IKZF2: variants seen among roughly 807,000 people sequenced by gnomAD.
The protein encoded by IKZF2 is zinc finger protein Helios.
Under a neutral mutation model 49.2 loss-of-function variants are expected in IKZF2, and 15 were observed. The observed-to-expected ratio is 0.30, with a 90% CI of 0.20 to 0.47. The LOEUF is 0.47. Ranked by LOEUF, IKZF2 falls within the 20% of genes least tolerant of loss-of-function variation. The pLI is 1.00. For synonymous variants in IKZF2, 227 were observed against 221.4 expected, an observed-to-expected ratio of 1.03 and a Z score of -0.23; for missense variants, 567 against 664.6, an observed-to-expected ratio of 0.85 and a Z score of 1.61.
Position 213,114,200 on chromosome 2 carries a change from A to T in IKZF2, c.139+33508T>A, listed in dbSNP as rs532207286. Among the ~76,000 whole-genome samples the T allele has an allele frequency of 5.4e-4, 83 of 152,294 alleles. No individual in the cohort carries two copies. In the South Asian group the frequency reaches 0.011, roughly 21 times the overall value. ...CTTCCTCAGAGTAATCTAAAATCAAATCTTCCTCTATAATAAAAAGGTGTG... is the reference window on the plus strand; with the variant it reads ...CTTCCTCAGAGTAATCTAAAATCAATTCTTCCTCTATAATAAAAAGGTGTG... On this transcript the variant is annotated intron_variant, in intron 4 of 8. Transcript: ENST00000434687.
At chr2:213,012,643 A>G (rs989806176) in intron 8 of IKZF2, among the ~76,000 whole-genome samples, 2 of 152,000 alleles carry the variant, frequency 1.3e-5, no homozygotes, top group Non-Finnish European at 2.9e-5. Context: ...CCTTCTTTCA[A>G]TGAGTTCTCA....
At chr2:213,059,914 C>A (rs1293255270) in intron 4 of IKZF2, among the ~76,000 whole-genome samples, 1 of 150,956 alleles carries the variant, frequency 6.6e-6, no homozygotes, top group African/African-American at 2.4e-5. Context: ...AATAGTAAAG[C>A]CGTAGTAATC....
At chr2:213,011,997 G>A (rs1295853026) in intron 8 of IKZF2, among the ~76,000 whole-genome samples, 1 of 151,942 alleles carries the variant, frequency 6.6e-6, no homozygotes, top group Non-Finnish European at 1.5e-5. Flanking sequence ...GAGAGGGAGA[G>A]ACAAGTAGAT....
intron 6 of IKZF2, among the ~76,000 whole-genome samples, chr2:213,045,105 C>T (rs1574610433): frequency 6.6e-6 from 1 of 152,160 alleles, no homozygotes; most frequent in Non-Finnish European, 1.5e-5. Flanking sequence ...ACAACTATCA[C>T]CTCTCCCAAG....
chr2:213,102,183 G>A (rs75211944), intron 4 of IKZF2, among the ~76,000 whole-genome samples: 216 of 152,128 alleles, frequency 1.4e-3, no homozygotes, highest in African/African-American at 4.7e-3. Context: ...ATTTGTGAGC[G>A]GCATCTTTGA....
At chr2:213,049,137 A>G (rs1700444145) in intron 6 of IKZF2, among the ~76,000 whole-genome samples, 1 of 151,902 alleles carries the variant, frequency 6.6e-6, no homozygotes, top group African/African-American at 2.4e-5. Context: ...ACATTTTTTA[A>G]ATGATTTATG....
At chr2:213,062,756 C>G (rs762051364) in intron 4 of IKZF2, among the ~76,000 whole-genome samples, 2 of 151,854 alleles carry the variant, frequency 1.3e-5, no homozygotes, top group Non-Finnish European at 2.9e-5. Flanking sequence ...CTAATTGAAC[C>G]AATATGGCTA....
At chr2:213,043,547 T>C (rs183509080) in intron 6 of IKZF2, among the ~76,000 whole-genome samples, 6 of 152,350 alleles carry the variant, frequency 3.9e-5, no homozygotes, top group South Asian at 2.1e-4. Context: ...TAATACTCTA[T>C]ATCAGCAGTT....
chr2:213,026,859 C>A (rs1222325788), intron 6 of IKZF2, among the ~76,000 whole-genome samples: 2 of 152,028 alleles, frequency 1.3e-5, no homozygotes, highest in Non-Finnish European at 2.9e-5. Context: ...AACACTTTCT[C>A]CCAGATTCTA....
At chr2:213,087,967 C>A (rs908254337) in intron 4 of IKZF2, among the ~76,000 whole-genome samples, 1 of 152,174 alleles carries the variant, frequency 6.6e-6, no homozygotes, top group African/African-American at 2.4e-5. Flanking sequence ...AATAAACACA[C>A]GTGTGCATGT....
chr2:213,112,844 A>C (rs967767077), intron 4 of IKZF2, among the ~76,000 whole-genome samples: 1 of 152,180 alleles, frequency 6.6e-6, no homozygotes, highest in Non-Finnish European at 1.5e-5. Flanking sequence ...TTTTTCATCT[A>C]TAACAGCGGG....
intron 4 of IKZF2, among the ~76,000 whole-genome samples, chr2:213,063,568 GATA>G (rs1244801955): frequency 3.3e-5 from 5 of 151,920 alleles, no homozygotes; most frequent in Middle Eastern, 3.4e-3. Flanking sequence ...TAATAGTAAT[GATA>G]ATAATAATAG....
chr2:213,024,284 A>G (rs1406690234), intron 6 of IKZF2, among the ~76,000 whole-genome samples: 1 of 152,162 alleles, frequency 6.6e-6, no homozygotes, highest in Non-Finnish European at 1.5e-5. Context: ...TCTATTTCCA[A>G]TAAATTTGCT....
chr2:213,103,078 G>A (rs1706901544), intron 4 of IKZF2, among the ~76,000 whole-genome samples: 2 of 152,144 alleles, frequency 1.3e-5, no homozygotes, highest in African/African-American at 4.8e-5. Flanking sequence ...AAATACCGTA[G>A]AGGGGGCTTA....
chr2:213,034,509 CA>C (rs1269987509), intron 6 of IKZF2, among the ~76,000 whole-genome samples: 1 of 152,104 alleles, frequency 6.6e-6, no homozygotes, highest in Non-Finnish European at 1.5e-5. Context: ...GGCCTAATTT[CA>C]GTATTTTTGC....
chr2:213,146,763 G>GT lies in IKZF2; in HGVS notation c.139+944_139+945insA, dbSNP rs80171046. Among the ~76,000 whole-genome samples the GT allele has an allele frequency of 1.5e-4, 20 of 133,390 alleles. 3 individuals carry two copies. The highest frequency in any genetic ancestry group is 8.6e-4 in the East Asian group (4 of 4,660). 87.5% of individuals were successfully genotyped at this position (133,390 alleles called of 152,430 possible). ...TTTTCTTAGTTATTAAATCTTCGGGGGGGGGGAAGGAAAGAGAATGCCTTT... is the reference window on the plus strand; with the variant it reads ...TTTTCTTAGTTATTAAATCTTCGGGGTGGGGGGAAGGAAAGAGAATGCCTTT... On this transcript the variant is annotated intron_variant, in intron 4 of 8. Coordinates refer to ENST00000434687, the MANE Select transcript of IKZF2 (RefSeq NM_001387220.1).
At chr2:213,020,457 A>G (rs67711650) in intron 7 of IKZF2, among the ~76,000 whole-genome samples, 34,637 of 151,980 alleles carry the variant, frequency 0.23, 4,364 homozygotes, top group Non-Finnish European at 0.27. Flanking sequence ...CAGGTTTGGC[A>G]GACTCCGAGA....
intron 4 of IKZF2, among the ~76,000 whole-genome samples, chr2:213,088,240 A>T (rs912472640): frequency 1.3e-5 from 2 of 152,016 alleles, no homozygotes; most frequent in Admixed American, 1.3e-4. Flanking sequence ...TTTGATTTGC[A>T]TTTCTCTGAT....
intron 4 of IKZF2, among the ~76,000 whole-genome samples, chr2:213,118,316 T>C (rs2059941509): frequency 6.6e-6 from 1 of 152,154 alleles, no homozygotes; most frequent in Non-Finnish European, 1.5e-5. Flanking sequence ...TTGACAACTG[T>C]GGAAATAATT....
Sources: gnomAD v4.1 joint callset for allele counts (sites outside exome capture counted in the v4.1 genomes callset) on GRCh38, gnomAD v4.1.1 for gene constraint, MANE v1.5 for transcripts, NCBI Gene and HGNC (gene_info 2026-07-23, HGNC 2026-07-21) for gene names.